Variants in KCNH1 observed in about 807,000 individuals in gnomAD.
The protein encoded by KCNH1 is voltage-gated delayed rectifier potassium channel KCNH1.
KCNH1 carries 27 observed loss-of-function variants against 69.2 expected under a neutral mutation model. The observed-to-expected ratio is 0.39, with a 90% CI of 0.29 to 0.54. KCNH1 has a LOEUF of 0.54. Ranked by LOEUF, KCNH1 falls within the 20% of genes least tolerant of loss-of-function variation. KCNH1 has a pLI of 0.68. For synonymous variants in KCNH1, 456 were observed against 487.7 expected, an observed-to-expected ratio of 0.93 and a Z score of 0.86; for missense variants, 798 against 1,261.6, an observed-to-expected ratio of 0.63 and a Z score of 5.57.
At chr1:210,721,303 A>G (rs1311333688) in intron 10 of KCNH1, among the ~76,000 whole-genome samples, 2 of 152,170 alleles carry the variant, frequency 1.3e-5, no homozygotes, top group Admixed American at 1.3e-4. Context: ...TTGGCCACCT[A>G]CGAGGAGCTA....
intron 10 of KCNH1, among the ~76,000 whole-genome samples, chr1:210,755,475 G>A (rs1248950194): frequency 2.0e-5 from 3 of 152,140 alleles, no homozygotes; most frequent in African/African-American, 4.8e-5. Flanking sequence ...GCATAATAGC[G>A]AAACAAAGCC....
At chr1:210,752,164 C>T (rs1456183404) in intron 10 of KCNH1, among the ~76,000 whole-genome samples, 1 of 152,150 alleles carries the variant, frequency 6.6e-6, no homozygotes, top group Non-Finnish European at 1.5e-5. Context: ...TAGAAGATCC[C>T]TGGGTCTGGA....
chr1:210,759,675 C>T (rs956241941), intron 10 of KCNH1, among the ~76,000 whole-genome samples: 10 of 152,038 alleles, frequency 6.6e-5, no homozygotes, highest in South Asian at 2.1e-4. Flanking sequence ...TCAAGAAATA[C>T]GGGATGACAT....
intron 7 of KCNH1, among the ~76,000 whole-genome samples, chr1:210,855,002 A>G (rs1376722231): frequency 6.6e-6 from 1 of 152,192 alleles, no homozygotes; most frequent in Admixed American, 6.5e-5. Context: ...TTCTTAGCCT[A>G]CCCTTTGCAA....
chr1:210,989,411 C>A (rs374233702), intron 6 of KCNH1, among the ~76,000 whole-genome samples: 1 of 152,164 alleles, frequency 6.6e-6, no homozygotes, highest in Non-Finnish European at 1.5e-5. Context: ...CTGGGATATA[C>A]GCAAACCAGT....
intron 7 of KCNH1, among the ~76,000 whole-genome samples, chr1:210,856,811 AT>A (rs1685850769): frequency 8.1e-6 from 1 of 122,994 alleles, no homozygotes; most frequent in Non-Finnish European, 1.8e-5. Context: ...TTATATATAT[AT>A]TATATATATT....
chr1:210,911,838 T>C lies in KCNH1; in HGVS notation c.1462+7802A>G, dbSNP rs147806149. ...ATACACACAAGATATTTTGTCACCA[T>C]AATTATAGTTCAAAATAATAGGGAT... On this transcript the variant is annotated intron_variant, in intron 7 of 10. Transcript: ENST00000271751. 2.0e-3 allele frequency among the ~76,000 whole-genome samples: 297 copies of C among 152,290 alleles called. 2 individuals carry two copies. Among genetic ancestry groups the C allele is most frequent in the African/African-American group, 6.5e-3 (268 of 41,528 alleles).
chr1:211,063,787 G>T (rs1283108289), intron 5 of KCNH1: 1 of 151,402 alleles, frequency 6.6e-6, no homozygotes, highest in Non-Finnish European at 1.5e-5. Flanking sequence ...AAAAATTACA[G>T]TTAGATAGGA....
chr1:210,716,975 C>T (rs1188990540), intron 10 of KCNH1, among the ~76,000 whole-genome samples: 5 of 152,202 alleles, frequency 3.3e-5, no homozygotes, highest in Non-Finnish European at 7.3e-5. Flanking sequence ...ACTAAGTTGA[C>T]TGATCAGTTT....
chr1:210,797,458 G>A, intron 9 of KCNH1, 50 bp downstream of exon 9: 1 of 1,596,980 alleles, frequency 6.3e-7, no homozygotes, highest in Non-Finnish European at 8.6e-7. Flanking sequence ...CTGCCCAGAA[G>A]CTAAGCCAAC....
intron 10 of KCNH1, among the ~76,000 whole-genome samples, chr1:210,731,853 C>G (rs984621737): frequency 2.0e-5 from 3 of 152,150 alleles, no homozygotes; most frequent in African/African-American, 7.2e-5. Flanking sequence ...AATTCCTTCT[C>G]CCAGCTTGGC....
chr1:211,070,457 AC>A (rs1472902150), intron 5 of KCNH1, among the ~76,000 whole-genome samples: 1 of 150,752 alleles, frequency 6.6e-6, no homozygotes, highest in African/African-American at 2.4e-5. Flanking sequence ...ACACACACAC[AC>A]AAACAAACAA....
intron 7 of KCNH1, among the ~76,000 whole-genome samples, chr1:210,881,586 ATATT>A (rs760422536): frequency 1.3e-5 from 2 of 152,186 alleles, no homozygotes; most frequent in Non-Finnish European, 2.9e-5. Context: ...CTGCACATAG[ATATT>A]TACAGTAGCT....
chr1:210,702,395 T>G (rs1681803054), intron 10 of KCNH1, among the ~76,000 whole-genome samples: 1 of 152,196 alleles, frequency 6.6e-6, no homozygotes, highest in African/African-American at 2.4e-5. Context: ...ACCTTCCTCC[T>G]CCCCTTTTTC....
At chr1:211,091,743 G>A (rs181522733) in intron 3 of KCNH1, among the ~76,000 whole-genome samples, 9 of 152,304 alleles carry the variant, frequency 5.9e-5, no homozygotes, top group Admixed American at 5.9e-4. Context: ...CACAGAAGGA[G>A]GTAGGCAGGG....
chr1:210,687,439 C>G (rs1286672965), intron 10 of KCNH1, among the ~76,000 whole-genome samples: 1 of 152,130 alleles, frequency 6.6e-6, no homozygotes, highest in Non-Finnish European at 1.5e-5. Flanking sequence ...GGCTTTTTTT[C>G]CAAAGTGTCA....
rs540176772 is a variant in KCNH1, at chr1:211,002,854, T to C, written c.1032+15929A>G. Among the ~76,000 whole-genome samples the C allele has an allele frequency of 3.3e-5, 5 of 152,194 alleles. No individual in the cohort carries two copies. The East Asian group carries it at 9.7e-4, about 29-fold the overall frequency. The stretch of plus-strand genomic sequence containing the variant: ...AGAGTGCAAAGAGTCAACCGGGGTG[T>C]CCTTGGAATTCCGGAGCAAAGAGAA... On this transcript the variant is annotated intron_variant, in intron 6 of 10. Transcript: ENST00000271751.
At chr1:210,789,181 G>A (rs1431197146) in intron 9 of KCNH1, among the ~76,000 whole-genome samples, 2 of 152,140 alleles carry the variant, frequency 1.3e-5, no homozygotes, top group Non-Finnish European at 2.9e-5. Flanking sequence ...GCAACTTCAA[G>A]TCCCTGGAGC....
chr1:211,061,582 TA>T (rs1375016850), intron 5 of KCNH1, among the ~76,000 whole-genome samples: 1 of 151,866 alleles, frequency 6.6e-6, no homozygotes, highest in African/African-American at 2.4e-5. Context: ...AAGACTCCAT[TA>T]AAAAAACTAT....
Sources: allele counts gnomAD v4.1 joint callset (sites outside exome capture counted in the v4.1 genomes callset), GRCh38; gene constraint gnomAD v4.1.1; transcripts MANE v1.5; gene names NCBI Gene and HGNC (gene_info 2026-07-23, HGNC 2026-07-21).